NT5DC3: variants seen among roughly 807,000 people sequenced by gnomAD.
NT5DC3 encodes the protein 5'-nucleotidase domain containing 3.
In NT5DC3, 42 loss-of-function variants were observed where a neutral mutation model predicts 67.8. That is an observed-to-expected ratio of 0.62 (90% confidence interval 0.48 to 0.80). The LOEUF is 0.80. Among genes scored for constraint, NT5DC3 ranks in the 30% least tolerant of loss-of-function variants. The pLI, the probability that NT5DC3 is intolerant of heterozygous loss-of-function variation, is 0.00. For synonymous variants in NT5DC3, 237 were observed against 255.6 expected (o/e 0.93, Z 0.69); for missense variants, 570 against 696.4 (o/e 0.82, Z 2.04).
At chr12:103,826,389 C>T (rs1887696282) in intron 1 of NT5DC3, among the ~76,000 whole-genome samples, 1 of 152,160 alleles carries the variant, frequency 6.6e-6, no homozygotes, top group South Asian at 2.1e-4. Context: ...TCCAGGTGGA[C>T]CCAATGTAAT....
At chr12:103,835,593 CTCT>C (rs531277074) in intron 1 of NT5DC3, among the ~76,000 whole-genome samples, 168 of 152,284 alleles carry the variant, frequency 1.1e-3, no homozygotes, top group African/African-American at 4.0e-3. Context: ...CCACCTCCAC[CTCT>C]TACTAAATGT....
intron 9 of NT5DC3, among the ~76,000 whole-genome samples, chr12:103,791,371 G>GC (rs1379159780): frequency 3.9e-5 from 6 of 151,952 alleles, no homozygotes; most frequent in East Asian, 1.9e-4. Flanking sequence ...CTACTGTAGG[G>GC]CCCCCAACCT....
chr12:103,831,927 C>A (rs1299873112), intron 1 of NT5DC3, among the ~76,000 whole-genome samples: 1 of 151,964 alleles, frequency 6.6e-6, no homozygotes, highest in Non-Finnish European at 1.5e-5. Flanking sequence ...CAGGCTCATG[C>A]CACCTCGTCC....
chr12:103,839,898 A>G (rs1888306456), intron 1 of NT5DC3, among the ~76,000 whole-genome samples: 1 of 152,234 alleles, frequency 6.6e-6, no homozygotes, highest in South Asian at 2.1e-4. Flanking sequence ...GTGATCCTAT[A>G]AAACGTTCTT....
chr12:103,841,039 CG>C lies in NT5DC3; in HGVS notation c.117del (p.Ala40ProfsTer14). On this transcript the variant is annotated frameshift_variant, in exon 1 of 14. Coordinates refer to ENST00000392876, the MANE Select transcript of NT5DC3 (RefSeq NM_001031701.3). LOFTEE classifies it high-confidence loss of function. ...CCGGGTGCAGTGCACAAGGGCCGGGCGGGGCCCGCACACGGCCGCCCCCGAG... is the reference window on the plus strand; with the variant it reads ...CCGGGTGCAGTGCACAAGGGCCGGGCGGGCCCGCACACGGCCGCCCCCGAG... ...TAARGRPCAG[P>X]ARPLCTAPGT... is the part of the protein sequence containing the mutation. The C allele has an allele frequency of 7.9e-7, 1 of 1,265,322 alleles. No homozygotes were observed. The highest frequency in any genetic ancestry group is 9.9e-7 in the Non-Finnish European group (1 of 1,007,136). 78.4% of individuals were successfully genotyped at this position (1,265,322 alleles called of 1,614,324 possible).
At chr12:103,755,614 G>T in the NT5DC3 span, 4 of 1,614,120 alleles carry the variant, frequency 2.5e-6, no homozygotes, top group Admixed American at 6.7e-5. Flanking sequence ...CCCTCCAGAT[G>T]TGAACTGCAC....
chr12:103,751,755 A>G, the NT5DC3 span, among the ~76,000 whole-genome samples: 51 of 152,312 alleles, frequency 3.3e-4, 1 homozygote, highest in South Asian at 9.9e-3. Context: ...TTCCAAGTGG[A>G]AATCTACCCA....
At chr12:103,746,480 T>G in the NT5DC3 span, 1 of 883,802 alleles carries the variant, frequency 1.1e-6, no homozygotes, top group East Asian at 2.5e-5. Flanking sequence ...CTTCCTGCTG[T>G]ACAGGGGCAC....
intron 8 of NT5DC3, 50 bp from the exon 9 acceptor site, chr12:103,793,315 T>G (rs1593396120): frequency 1.3e-6 from 2 of 1,545,364 alleles, no homozygotes; most frequent in Non-Finnish European, 1.8e-6. Context: ...AGATTAACTG[T>G]GTCTGTAACT....
chr12:103,827,993 A>G (rs1463666038), intron 1 of NT5DC3, among the ~76,000 whole-genome samples: 1 of 152,232 alleles, frequency 6.6e-6, no homozygotes, highest in Non-Finnish European at 1.5e-5. Flanking sequence ...TCACCAAGGA[A>G]GAGCCAGTTG....
chr12:103,788,867 T>C lies in NT5DC3; in HGVS notation c.1072A>G (p.Lys358Glu). The change falls in exon 10 of 14, where the codon AAG becomes GAG. Residue 358 changes from lysine (K) to glutamate (E), a missense_variant. Transcript: ENST00000392876. The part of the protein sequence containing the change: ...KGVLLWDKIH[K>E]LQKGQIYKQG... ...TTGTATATCTGGCCTTTCTGCAACT[T>C]ATGGATTTTATCCCAGAGTAAGACA... is the stretch of plus-strand genomic sequence containing the variant. The C allele has an allele frequency of 6.2e-7, 1 of 1,613,528 alleles. No individual in the cohort carries two copies.
intron 1 of NT5DC3, among the ~76,000 whole-genome samples, chr12:103,830,152 C>A (rs763316248): frequency 6.6e-6 from 1 of 152,168 alleles, no homozygotes; most frequent in Non-Finnish European, 1.5e-5. Context: ...TACCAATCCT[C>A]GGAGACAGGT....
intron 11 of NT5DC3, among the ~76,000 whole-genome samples, chr12:103,786,458 G>A (rs1885777735): frequency 6.6e-6 from 1 of 152,208 alleles, no homozygotes; most frequent in African/African-American, 2.4e-5. Flanking sequence ...GGCAGAGGCA[G>A]AGGATGTCTT....
At chr12:103,786,983 C>T (rs888382930) in intron 11 of NT5DC3, among the ~76,000 whole-genome samples, 1 of 152,088 alleles carries the variant, frequency 6.6e-6, no homozygotes, top group Non-Finnish European at 1.5e-5. Context: ...ATGCCCAGCC[C>T]ACTGGTTCAG....
rs1885886695 is a variant in NT5DC3 at position 103,788,354 on chromosome 12, A to T, written c.1101+484T>A. Among the ~76,000 whole-genome samples the T allele has an allele frequency of 2.0e-5, 3 of 152,326 alleles. No homozygotes were observed. In the South Asian group the frequency reaches 6.2e-4, roughly 32 times the overall value. On this transcript the variant is annotated intron_variant, in intron 10 of 13. Transcript: ENST00000392876. ...CCAGCCACCTGGGAGGCTGAGATGGAAGGATCACTTCAACTCAGGAGGTTG... is the reference window on the plus strand; with the variant it reads ...CCAGCCACCTGGGAGGCTGAGATGGTAGGATCACTTCAACTCAGGAGGTTG...
chr12:103,814,868 CATG>C, intron 2 of NT5DC3, 66 bp downstream of exon 2: 1 of 1,150,414 alleles, frequency 8.7e-7, no homozygotes, highest in Non-Finnish European at 1.2e-6. Flanking sequence ...GACTTGGGGT[CATG>C]TCAGCTCAAG....
Position 103,772,407 on chromosome 12 carries a change from G to A in NT5DC3, c.*5422C>T, listed in dbSNP as rs1885207511. 6.6e-6 allele frequency: 1 copy of A among 152,420 alleles called. No individual in the cohort carries two copies. Among genetic ancestry groups the A allele is most frequent in the East Asian group, 1.9e-4 (1 of 5,200 alleles). The allele number at this position is 152,420 out of a possible 1,614,324, so 9.4% of individuals were successfully genotyped here. A position where few individuals can be genotyped will look rare whatever the true frequency, so the allele number is the denominator to read the frequency against. ...GCAAATTCACATCTAGAATAAATAG[G>A]TCTGCCTAATTTGCATTAATTGTGC... On this transcript the variant is annotated 3_prime_UTR_variant, in exon 14 of 14. Coordinates refer to ENST00000392876, the MANE Select transcript of NT5DC3 (RefSeq NM_001031701.3).
Position 103,780,376 on chromosome 12 carries a change from A to G in NT5DC3, c.1330-12T>C. On this transcript the variant is annotated splice_polypyrimidine_tract_variant and intron_variant, in intron 12 of 13. Coordinates refer to ENST00000392876, the MANE Select transcript of NT5DC3 (RefSeq NM_001031701.3). ...GCATCTCTGTGAACCTGTAGGACAC[A>G]AGTCAATTATTACAACTGTTTTGAT... The G allele has an allele frequency of 1.2e-6, 2 of 1,612,844 alleles. No individual in the cohort carries two copies. The highest frequency in any genetic ancestry group is 8.5e-7 in the Non-Finnish European group (1 of 1,178,808).
the NT5DC3 span, among the ~76,000 whole-genome samples, chr12:103,746,905 GT>G: frequency 6.9e-6 from 1 of 145,494 alleles, no homozygotes; most frequent in Non-Finnish European, 1.5e-5. Flanking sequence ...TTTCAAAATT[GT>G]TTTGCAAACT....
Sources: gnomAD v4.1 joint callset for allele counts (sites outside exome capture counted in the v4.1 genomes callset) on GRCh38, gnomAD v4.1.1 for gene constraint, MANE v1.5 for transcripts, NCBI Gene and HGNC (gene_info 2026-07-23, HGNC 2026-07-21) for gene names.